Variants in RBM20 observed in about 807,000 individuals in gnomAD.
The protein encoded by RBM20 is RNA-binding protein 20.
A neutral mutation model predicts 110.1 loss-of-function variants in RBM20; 51 were observed. That is an observed-to-expected ratio of 0.46 (90% confidence interval 0.37 to 0.59). The LOEUF (loss-of-function observed/expected upper bound fraction) is 0.59, where lower values mean the gene tolerates loss of function less well. Among genes scored for constraint, RBM20 ranks in the 20% least tolerant of loss-of-function variants. The pLI, the probability that RBM20 is intolerant of heterozygous loss-of-function variation, is 0.00. For missense variants in RBM20, 1,512 were observed against 1,574.9 expected (o/e 0.96, Z 0.68); for synonymous variants, 589 against 618.2 (o/e 0.95, Z 0.70).
chr10:110,712,973 C>T (rs1564822790), intron 1 of RBM20, among the ~76,000 whole-genome samples: 1 of 152,206 alleles, frequency 6.6e-6, no homozygotes, highest in African/African-American at 2.4e-5. Context: ...CTAACTTTGG[C>T]GTCCATATTT....
intron 1 of RBM20, among the ~76,000 whole-genome samples, chr10:110,703,558 C>G (rs1862791042): frequency 6.6e-6 from 1 of 152,088 alleles, no homozygotes; most frequent in Non-Finnish European, 1.5e-5. Context: ...TACAATCTAC[C>G]TCTCTTATTT....
At chr10:110,645,164 C>G (rs1861851357) in intron 1 of RBM20, among the ~76,000 whole-genome samples, 1 of 152,144 alleles carries the variant, frequency 6.6e-6, no homozygotes, top group Non-Finnish European at 1.5e-5. Context: ...AAGGCCTTTT[C>G]GAAGAGTTTA....
intron 1 of RBM20, among the ~76,000 whole-genome samples, chr10:110,771,619 C>A (rs1490079232): frequency 6.6e-6 from 1 of 152,156 alleles, no homozygotes; most frequent in Admixed American, 6.5e-5. Context: ...GCTGATGGAG[C>A]AGAAGGGCAT....
chr10:110,723,510 C>T (rs1278155379), intron 1 of RBM20, among the ~76,000 whole-genome samples: 3 of 152,192 alleles, frequency 2.0e-5, no homozygotes, highest in Non-Finnish European at 2.9e-5. Context: ...AAACTGTTTT[C>T]CAACGTGGCT....
chr10:110,730,961 C>T (rs576428971), intron 1 of RBM20, among the ~76,000 whole-genome samples: 4 of 152,356 alleles, frequency 2.6e-5, no homozygotes, highest in African/African-American at 9.6e-5. Context: ...TCGCTTCGTA[C>T]TGGCCCCATT....
At chr10:110,729,907 C>T (rs577371450) in intron 1 of RBM20, among the ~76,000 whole-genome samples, 2 of 152,334 alleles carry the variant, frequency 1.3e-5, no homozygotes, top group African/African-American at 4.8e-5. Flanking sequence ...CCTACGCCTC[C>T]CAGGTTCAAG....
At chr10:110,665,656 T>C (rs1862164879) in intron 1 of RBM20, among the ~76,000 whole-genome samples, 1 of 152,186 alleles carries the variant, frequency 6.6e-6, no homozygotes, top group African/African-American at 2.4e-5. Context: ...TGCATATACA[T>C]ATATATGATA....
At chr10:110,711,582 C>A (rs1047855724) in intron 1 of RBM20, among the ~76,000 whole-genome samples, 1 of 152,104 alleles carries the variant, frequency 6.6e-6, no homozygotes, top group African/African-American at 2.4e-5. Context: ...TTAAGGAAGT[C>A]CCCACTAATG....
At chr10:110,668,573 G>A (rs1862214137) in intron 1 of RBM20, among the ~76,000 whole-genome samples, 1 of 150,784 alleles carries the variant, frequency 6.6e-6, no homozygotes, top group African/African-American at 2.4e-5. Flanking sequence ...ACATACCAAG[G>A]GAGACTTGGG....
chr10:110,799,843 A>C lies in RBM20; in HGVS notation c.1725A>C (p.Gln575His). ...EAAQAMVQYY[Q>H]EKSAVINGEK... ...CACAGGCCATGGTCCAGTATTATCA[A>C]GAAAAATCTGCTGTGATCAATGGTG... The change falls in exon 7 of 14, where the codon CAA (glutamine) becomes CAC (histidine). Residue 575 changes from glutamine to histidine, a missense_variant. Around this residue, in one of 3 missense-constraint regions of RBM20, gnomAD observed 1,149 missense variants for 1,169.4 expected, o/e 0.98. Coordinates refer to ENST00000369519, the MANE Select transcript of RBM20 (RefSeq NM_001134363.3). 6.4e-7 allele frequency: 1 copy of C among 1,551,982 alleles called. No homozygotes were observed. The highest frequency in any genetic ancestry group is 8.7e-7 in the Non-Finnish European group (1 of 1,146,976).
At chr10:110,788,419 G>T (rs1449190042) in intron 5 of RBM20, among the ~76,000 whole-genome samples, 1 of 152,222 alleles carries the variant, frequency 6.6e-6, no homozygotes, top group Non-Finnish European at 1.5e-5. Context: ...TGGAAGGGGA[G>T]AGTCAGCATT....
At chr10:110,819,480 A>C (rs1444948799) in intron 9 of RBM20, among the ~76,000 whole-genome samples, 1 of 152,184 alleles carries the variant, frequency 6.6e-6, no homozygotes, top group African/African-American at 2.4e-5. Context: ...ACCTGCTTTC[A>C]ATTGTTCAGT....
In RBM20 at chr10:110,749,846, T is replaced by A. The variant is rs1843830314; in HGVS notation, c.192-30955T>A. Among the ~76,000 whole-genome samples, 3 of 151,964 alleles carry A rather than the reference T, an allele frequency of 2.0e-5. No individual in the cohort carries two copies. In the South Asian group the frequency reaches 6.2e-4, roughly 32 times the overall value. On this transcript the variant is annotated intron_variant, in intron 1 of 13. Transcript: ENST00000369519. ...ATCTCACAACACATACCAAGATAAATCTCAGCTAAACCAGCATGTGAAAAT... is the reference window on the plus strand; with the variant it reads ...ATCTCACAACACATACCAAGATAAAACTCAGCTAAACCAGCATGTGAAAAT...
intron 7 of RBM20, among the ~76,000 whole-genome samples, chr10:110,803,459 T>A (rs1262199572): frequency 6.6e-6 from 1 of 152,224 alleles, no homozygotes; most frequent in African/African-American, 2.4e-5. Context: ...CACTTGGTGA[T>A]GTTGTGAAAA....
At chr10:110,723,591 T>C (rs189268893) in intron 1 of RBM20, among the ~76,000 whole-genome samples, 43 of 152,368 alleles carry the variant, frequency 2.8e-4, no homozygotes, top group Non-Finnish European at 4.4e-5. Context: ...GCAGCACTTA[T>C]TATCATCTTT....
In RBM20 at chr10:110,703,003, G is replaced by GT. The variant is rs755758197; in HGVS notation, c.191+58369dup. Among the ~76,000 whole-genome samples the GT allele has an allele frequency of 9.6e-4, 119 of 124,022 alleles. 1 individual carries two copies. The highest frequency in any genetic ancestry group is 1.1e-3 in the African/African-American group (36 of 33,146). 81.4% of individuals were successfully genotyped at this position (124,022 alleles called of 152,430 possible). ...GGTTTTTTTTCTTGTTTTTTTTTTT[G>GT]TTTTTTTTTTTGGTTGGCTTAATAC... On this transcript the variant is annotated intron_variant, in intron 1 of 13. Coordinates refer to ENST00000369519, the MANE Select transcript of RBM20 (RefSeq NM_001134363.3).
At chr10:110,769,721 T>C (rs943159989) in intron 1 of RBM20, among the ~76,000 whole-genome samples, 2 of 152,066 alleles carry the variant, frequency 1.3e-5, no homozygotes, top group Non-Finnish European at 2.9e-5. Context: ...TAACTCACTA[T>C]AGATTTTTTT....
At chr10:110,795,405 G>T (rs1475094874) in intron 5 of RBM20, among the ~76,000 whole-genome samples, 1 of 152,228 alleles carries the variant, frequency 6.6e-6, no homozygotes, top group East Asian at 1.9e-4. Context: ...TTGGGAAAGT[G>T]CTTGACCTCT....
chr10:110,770,404 C>T (rs529979686), intron 1 of RBM20, among the ~76,000 whole-genome samples: 8 of 152,158 alleles, frequency 5.3e-5, no homozygotes, highest in Non-Finnish European at 1.2e-4. Context: ...CATAAAGAAA[C>T]CTTAAATGTT....
Sources: allele counts gnomAD v4.1 joint callset (sites outside exome capture counted in the v4.1 genomes callset), GRCh38; gene constraint gnomAD v4.1.1; regional missense constraint gnomAD v4.1.1; transcripts MANE v1.5; gene names NCBI Gene and HGNC (gene_info 2026-07-23, HGNC 2026-07-21).